Variants in MSR1 observed in about 807,000 individuals in gnomAD.
MSR1 encodes macrophage scavenger receptor 1, also known as macrophage scavenger receptor types I and II.
MSR1 carries 53 observed loss-of-function variants against 47.2 expected under a neutral mutation model. The observed-to-expected ratio is 1.12, with a 90% CI of 0.90 to 1.41. The LOEUF (loss-of-function observed/expected upper bound fraction) is 1.41. MSR1 is among the 40% of genes most tolerant of loss of function. The pLI is 0.00. For missense variants in MSR1, 786 were observed against 546.9 expected (o/e 1.44, Z -4.36); for synonymous variants, 239 against 185.6 (o/e 1.29, Z -2.34).
At chr8:16,142,182 G>C (rs966943897) in intron 8 of MSR1, among the ~76,000 whole-genome samples, 1 of 152,020 alleles carries the variant, frequency 6.6e-6, no homozygotes, top group African/African-American at 2.4e-5. Context: ...ACAAAAATTA[G>C]CTGGGTGTGG....
chr8:16,108,605 C>G lies in MSR1; in HGVS notation c.*1480G>C, dbSNP rs1217535439. 6.6e-6 allele frequency: 1 copy of G among 152,070 alleles called. No homozygotes were observed. Among genetic ancestry groups the G allele is most frequent in the South Asian group, 2.1e-4 (1 of 4,824 alleles). The allele number at this position is 152,070 out of a possible 1,614,324, so 9.4% of individuals were successfully genotyped here. A position where few individuals can be genotyped will look rare whatever the true frequency, so the allele number is the denominator to read the frequency against. On this transcript the variant is annotated 3_prime_UTR_variant, in exon 10 of 10. Coordinates refer to ENST00000262101, the MANE Select transcript of MSR1 (RefSeq NM_138715.3). ...CTGAAATTACAGCCAGGGTTTGAGA[C>G]AGAAAGTGTACATTCAGAATTCATT...
Position 16,186,239 on chromosome 8 carries a change from C to G in MSR1, c.-5+6359G>C, listed in dbSNP as rs188007105. On this transcript the variant is annotated intron_variant, in intron 1 of 9. Transcript: ENST00000262101. The stretch of plus-strand genomic sequence containing the variant: ...GGAGTTTTATTTATTTCTGGGTATT[C>G]CTCCTCATCTCCCCAACGTCTCAAC... 234 of 1,521,596 alleles carry G rather than the reference C, an allele frequency of 1.5e-4. No homozygotes were observed. The African/African-American group carries it at 2.9e-3, about 19-fold the overall frequency. The allele number at this position is 1,521,596 out of a possible 1,614,324, so 94.3% of individuals were successfully genotyped here.
chr8:16,112,152 T>A (rs12676141), intron 9 of MSR1, among the ~76,000 whole-genome samples: 3,940 of 152,282 alleles, frequency 0.026, 137 homozygotes, highest in East Asian at 0.14. Flanking sequence ...CACATGGATG[T>A]GACAAATGTA....
intron 8 of MSR1, among the ~76,000 whole-genome samples, chr8:16,138,771 A>G (rs1176334317): frequency 6.6e-6 from 1 of 152,190 alleles, no homozygotes; most frequent in East Asian, 1.9e-4. Context: ...GTTTGTGTAA[A>G]CTGGCTATTC....
At position 16,110,012 on chromosome 8, in the gene MSR1, G is replaced by T; in HGVS notation, c.*73C>A. On this transcript the variant is annotated 3_prime_UTR_variant, in exon 10 of 10. Transcript: ENST00000262101. Reference sequence around the variant, plus strand: ...TAATCTCTTAAATATTGATTAAATGGATTTTACAGGAACAAGGTAATAAAA... The same window carrying T: ...TAATCTCTTAAATATTGATTAAATGTATTTTACAGGAACAAGGTAATAAAA... The T allele has an allele frequency of 6.4e-7, 1 of 1,569,148 alleles. No homozygotes were observed.
chr8:16,166,763 G>A (rs370346184), intron 4 of MSR1, among the ~76,000 whole-genome samples: 1 of 152,016 alleles, frequency 6.6e-6, no homozygotes, highest in Non-Finnish European at 1.5e-5. Context: ...GTGTGTCCTT[G>A]ATAAGTGTTA....
chr8:16,142,400 G>A (rs1463312101), intron 8 of MSR1, among the ~76,000 whole-genome samples: 2 of 151,986 alleles, frequency 1.3e-5, no homozygotes, highest in East Asian at 3.9e-4. Flanking sequence ...ATTAAAGAAC[G>A]AATGGATAGA....
intron 8 of MSR1, among the ~76,000 whole-genome samples, chr8:16,127,229 T>G (rs146779394): frequency 8.5e-5 from 13 of 152,182 alleles, no homozygotes; most frequent in African/African-American, 3.1e-4. Flanking sequence ...CATCTTTATA[T>G]GATAAAAGCC....
chr8:16,179,767 T>G (rs923548261), intron 1 of MSR1, among the ~76,000 whole-genome samples: 1 of 150,742 alleles, frequency 6.6e-6, no homozygotes, highest in Non-Finnish European at 1.5e-5. Flanking sequence ...ATCCCAGCTA[T>G]TCGGGAGGCT....
intron 8 of MSR1, chr8:16,121,245 C>T: frequency 7.8e-6 from 3 of 382,818 alleles, no homozygotes; most frequent in Non-Finnish European, 1.5e-5. Context: ...AAAAATCAGA[C>T]AATTTTGTTT....
intron 8 of MSR1, among the ~76,000 whole-genome samples, chr8:16,134,235 C>T (rs997267706): frequency 3.3e-5 from 5 of 151,956 alleles, no homozygotes; most frequent in African/African-American, 7.2e-5. Flanking sequence ...GATAGGGGCT[C>T]TTTTTAAATA....
At chr8:16,157,950 T>C (rs1348244322) in intron 5 of MSR1, among the ~76,000 whole-genome samples, 2 of 152,008 alleles carry the variant, frequency 1.3e-5, no homozygotes, top group African/African-American at 2.4e-5. Flanking sequence ...TGTCATATTA[T>C]GGAAAAAAGA....
At chr8:16,140,307 T>A in intron 8 of MSR1, 3 of 984,928 alleles carry the variant, frequency 3.0e-6, no homozygotes. Context: ...AAAAAAGCCC[T>A]TGACTCAGTC....
At chr8:16,154,093 C>T (rs969481044) in intron 6 of MSR1, among the ~76,000 whole-genome samples, 4 of 151,536 alleles carry the variant, frequency 2.6e-5, no homozygotes, top group Non-Finnish European at 5.9e-5. Context: ...CATATATGTG[C>T]TTAGGCAGGT....
chr8:16,112,880 T>C (rs1024796040), intron 9 of MSR1, among the ~76,000 whole-genome samples: 1 of 151,560 alleles, frequency 6.6e-6, no homozygotes, highest in African/African-American at 2.4e-5. Flanking sequence ...CATATATATA[T>C]CTATGATTTC....
rs767497372 is a variant in MSR1, at chr8:16,177,873, C to G, written c.103+13G>C. On this transcript the variant is annotated intron_variant, in intron 2 of 9. Coordinates refer to ENST00000262101, the MANE Select transcript of MSR1 (RefSeq NM_138715.3). ...GAACAACCTCCATGGGCAGCCCATC[C>G]CCCTCTACTTACTCGGAGGAAGCAA... 3.1e-6 allele frequency: 5 copies of G among 1,608,634 alleles called. No homozygotes were observed. The highest frequency in any genetic ancestry group is 4.3e-6 in the Non-Finnish European group (5 of 1,175,184).
chr8:16,135,856 G>A (rs913165888), intron 8 of MSR1, among the ~76,000 whole-genome samples: 3 of 152,082 alleles, frequency 2.0e-5, no homozygotes, highest in Non-Finnish European at 4.4e-5. Flanking sequence ...CTTTAATGGA[G>A]AAAGTCACTA....
intron 8 of MSR1, among the ~76,000 whole-genome samples, chr8:16,142,011 A>G (rs1031865619): frequency 2.0e-5 from 3 of 152,112 alleles, no homozygotes; most frequent in Non-Finnish European, 4.4e-5. Context: ...AAAAGGAGAA[A>G]GAAAGAAGTA....
chr8:16,123,965 T>C (rs1389211651), intron 8 of MSR1, among the ~76,000 whole-genome samples: 1 of 152,226 alleles, frequency 6.6e-6, no homozygotes, highest in African/African-American at 2.4e-5. Flanking sequence ...GTTCACTTGA[T>C]AGAACATGTC....
Sources: allele counts gnomAD v4.1 joint callset (sites outside exome capture counted in the v4.1 genomes callset), GRCh38; gene constraint gnomAD v4.1.1; transcripts MANE v1.5; gene names NCBI Gene and HGNC (gene_info 2026-07-23, HGNC 2026-07-21).